Variants in CYFIP1 observed in about 807,000 individuals in gnomAD.
CYFIP1 encodes cytoplasmic FMR1 interacting protein 1.
In CYFIP1, 58 loss-of-function variants were observed where a neutral mutation model predicts 163.5. The observed-to-expected ratio is 0.35, with a 90% confidence interval of 0.29 to 0.44. The LOEUF is 0.44. CYFIP1 is among the 20% of genes least tolerant of loss of function. The pLI is 1.00. For missense variants in CYFIP1, 1,338 were observed against 1,653.8 expected (o/e 0.81, Z 3.31); for synonymous variants, 663 against 660.7 (o/e 1.00, Z -0.05).
intron 1 of CYFIP1, among the ~76,000 whole-genome samples, chr15:22,970,525 C>T (rs2063057371): frequency 6.6e-6 from 1 of 152,160 alleles, no homozygotes; most frequent in Non-Finnish European, 1.5e-5. Context: ...GACTTCACTC[C>T]TTTTTATTTC....
chr15:22,954,874 C>CA (rs2062389860), intron 1 of CYFIP1, among the ~76,000 whole-genome samples: 1 of 152,174 alleles, frequency 6.6e-6, no homozygotes. Context: ...GTGATGTCCT[C>CA]AGAGTCCCGG....
intron 6 of CYFIP1, among the ~76,000 whole-genome samples, chr15:22,940,151 G>A (rs529573732): frequency 9.8e-5 from 15 of 152,310 alleles, no homozygotes; most frequent in Non-Finnish European, 1.9e-4. Context: ...GGACTGTCCC[G>A]CAAGAAAGTT....
intron 1 of CYFIP1, among the ~76,000 whole-genome samples, chr15:22,967,709 C>T (rs1213010882): frequency 1.3e-5 from 2 of 152,270 alleles, no homozygotes; most frequent in Admixed American, 1.3e-4. Context: ...ACAGTCAATT[C>T]CATGTGACCA....
chr15:22,920,747 G>A (rs1456982174), intron 13 of CYFIP1, among the ~76,000 whole-genome samples: 4 of 152,178 alleles, frequency 2.6e-5, no homozygotes, highest in Non-Finnish European at 4.4e-5. Context: ...CTCTGTGATG[G>A]CGCCGCAGGC....
chr15:22,893,274 G>A (rs1487442044), intron 22 of CYFIP1, among the ~76,000 whole-genome samples: 1 of 152,296 alleles, frequency 6.6e-6, no homozygotes, highest in East Asian at 1.9e-4. Flanking sequence ...GCTCTGCTGC[G>A]CTTCCAGACA....
intron 23 of CYFIP1, among the ~76,000 whole-genome samples, chr15:22,892,035 C>T (rs1465436889): frequency 6.6e-6 from 1 of 152,188 alleles, no homozygotes; most frequent in Non-Finnish European, 1.5e-5. Context: ...AGCCTGCCCC[C>T]ACCGCAGAGC....
At chr15:22,953,035 T>C (rs1387524676) in intron 1 of CYFIP1, among the ~76,000 whole-genome samples, 1 of 152,246 alleles carries the variant, frequency 6.6e-6, no homozygotes, top group East Asian at 1.9e-4. Flanking sequence ...CAAGCAGCTG[T>C]CACCGCACGC....
chr15:22,902,541 G>T (rs1163340045), intron 22 of CYFIP1, among the ~76,000 whole-genome samples: 1 of 152,224 alleles, frequency 6.6e-6, no homozygotes, highest in Non-Finnish European at 1.5e-5. Context: ...ACTTGTGTAA[G>T]AATATTTTTG....
chr15:22,909,441 GACCCA>G lies in CYFIP1; in HGVS notation c.2269-133_2269-129del, dbSNP rs2060707261. On this transcript the variant is annotated intron_variant, in intron 20 of 30. Transcript: ENST00000617928. ...CGACACCCTTTACAACCACGTTCAA[GACCCA>G]TCTCCCCACATACATGGCAGCCTGT... 1.8e-5 allele frequency: 20 copies of G among 1,134,906 alleles called. No homozygotes were observed. The African/African-American group carries it at 3.1e-4, about 18-fold the overall frequency. 70.3% of individuals were successfully genotyped at this position (1,134,906 alleles called of 1,614,324 possible).
intron 1 of CYFIP1, among the ~76,000 whole-genome samples, chr15:22,975,429 G>A (rs1197990301): frequency 2.5e-5 from 3 of 122,012 alleles, no homozygotes; most frequent in Admixed American, 2.0e-4. Flanking sequence ...GAGACAGAGC[G>A]AGACTCCGTC....
Position 22,873,505 on chromosome 15 carries a change from G to A in CYFIP1, c.3435C>T (p.His1145=), listed in dbSNP as rs767685425. 7.4e-6 allele frequency: 12 copies of A among 1,613,390 alleles called. No homozygotes were observed. Among genetic ancestry groups the A allele is most frequent in the African/African-American group, 2.7e-5 (2 of 74,918 alleles). The change falls in exon 29 of 31, where the codon CAC becomes CAT. Residue 1145 remains histidine (H), a synonymous_variant. Transcript: ENST00000617928. ...QFVYCIPVGT[H]EFTVEQCFGD... Reference sequence around the variant, plus strand: ...CACACACTTACTCGACTGTGAACTCGTGTGTCCCCACGGGAATGCAGTAGA... The same window carrying A: ...CACACACTTACTCGACTGTGAACTCATGTGTCCCCACGGGAATGCAGTAGA...
chr15:22,976,446 A>G (rs987265606), intron 1 of CYFIP1, among the ~76,000 whole-genome samples: 7 of 152,066 alleles, frequency 4.6e-5, no homozygotes, highest in African/African-American at 7.2e-5. Flanking sequence ...GTGAGCAACC[A>G]CGCCCAGCCA....
At chr15:22,927,544 C>T (rs1228535519) in intron 12 of CYFIP1, among the ~76,000 whole-genome samples, 1 of 149,080 alleles carries the variant, frequency 6.7e-6, no homozygotes, top group African/African-American at 2.5e-5. Context: ...GTGGTCCCAG[C>T]AACTTGGGAG....
chr15:22,908,346 C>T (rs554823492), intron 21 of CYFIP1, among the ~76,000 whole-genome samples: 2 of 151,982 alleles, frequency 1.3e-5, no homozygotes, highest in South Asian at 2.1e-4. Context: ...GAGCGGGGAA[C>T]GTTGGCCCCG....
At chr15:22,936,018 T>C (rs1341261683) in intron 9 of CYFIP1, among the ~76,000 whole-genome samples, 1 of 152,202 alleles carries the variant, frequency 6.6e-6, no homozygotes, top group Non-Finnish European at 1.5e-5. Flanking sequence ...AGGCCTGTAA[T>C]CTTGGCACTT....
Position 22,910,520 on chromosome 15 carries a change from C to T in CYFIP1, c.2268G>A (p.Gln756=). The change falls in exon 20 of 31, where the codon CAG becomes CAA. Residue 756 remains glutamine, a splice_region_variant and synonymous_variant. Transcript: ENST00000617928. ...YETLLKQRHV[Q]LLGRSIDLNR... ...CCACCACAGCCCGGCCCCAGCTCACCTGCACATGCCTCTGCTTCAGCAGCG... is the reference window on the plus strand; with the variant it reads ...CCACCACAGCCCGGCCCCAGCTCACTTGCACATGCCTCTGCTTCAGCAGCG... The T allele has an allele frequency of 6.2e-7, 1 of 1,613,348 alleles. No individual in the cohort carries two copies. Among genetic ancestry groups the T allele is most frequent in the African/African-American group, 1.3e-5 (1 of 75,044 alleles).
At chr15:22,970,535 CA>C (rs2063057764) in intron 1 of CYFIP1, among the ~76,000 whole-genome samples, 1 of 152,150 alleles carries the variant, frequency 6.6e-6, no homozygotes, top group Non-Finnish European at 1.5e-5. Context: ...CTTTTTATTT[CA>C]AAACTTACCA....
At position 22,934,720 on chromosome 15, in the gene CYFIP1, G is replaced by A. The variant is rs145621342; in HGVS notation, c.901-827C>T. Among the ~76,000 whole-genome samples, 521 of 143,736 alleles carry A rather than the reference G, an allele frequency of 3.6e-3. 3 individuals carry two copies. The highest frequency in any genetic ancestry group is 0.012 in the African/African-American group (475 of 39,020). The allele number at this position is 143,736 out of a possible 152,430, so 94.3% of individuals were successfully genotyped here. On this transcript the variant is annotated intron_variant, in intron 9 of 30. Transcript: ENST00000617928. ...TCACCGTGTTAGCCAGGATGGTCTC[G>A]ATCTCCTGACCTCGTGATCCACCCG...
At chr15:22,870,464 A>G (rs924283598) in intron 30 of CYFIP1, among the ~76,000 whole-genome samples, 2 of 151,916 alleles carry the variant, frequency 1.3e-5, no homozygotes, top group African/African-American at 4.8e-5. Context: ...GTGTACCACC[A>G]CACGCAGCTA....
Sources: allele counts gnomAD v4.1 joint callset (sites outside exome capture counted in the v4.1 genomes callset), GRCh38; gene constraint gnomAD v4.1.1; transcripts MANE v1.5; gene names NCBI Gene and HGNC (gene_info 2026-07-23, HGNC 2026-07-21).